USP50: variants seen among roughly 807,000 people sequenced by gnomAD.
USP50 encodes ubiquitin carboxyl-terminal hydrolase 50.
A neutral mutation model predicts 39.2 loss-of-function variants in USP50; 37 were observed. The observed-to-expected ratio is 0.94, with a 90% CI of 0.73 to 1.24. The LOEUF (loss-of-function observed/expected upper bound fraction) is 1.24. Ranked by LOEUF, USP50 falls within the 50% of genes most tolerant of loss-of-function variation. The pLI is 0.00. For missense variants in USP50, 374 were observed against 398.2 expected (o/e 0.94, Z 0.52); for synonymous variants, 139 against 144.5 (o/e 0.96, Z 0.27).
chr15:50,521,214 G>C (rs1191453168), intron 6 of USP50, among the ~76,000 whole-genome samples: 28 of 152,014 alleles, frequency 1.8e-4, no homozygotes, highest in Admixed American at 1.8e-3. Context: ...GCAAATTTTT[G>C]TATTTTTAGT....
intron 5 of USP50, among the ~76,000 whole-genome samples, chr15:50,530,397 T>C (rs1276535974): frequency 1.3e-5 from 2 of 151,642 alleles, no homozygotes; most frequent in Non-Finnish European, 2.9e-5. Context: ...GCTTGGCCAA[T>C]ATGGTGAAAC....
chr15:50,522,102 A>G (rs574859711), intron 6 of USP50, among the ~76,000 whole-genome samples: 1 of 152,126 alleles, frequency 6.6e-6, no homozygotes, highest in South Asian at 2.1e-4. Context: ...GGTACATACA[A>G]CCTACTAAGA....
intron 6 of USP50, chr15:50,505,077 A>C (rs931416140): frequency 6.6e-6 from 1 of 152,202 alleles, no homozygotes; most frequent in African/African-American, 2.4e-5. Flanking sequence ...GGCATGAAAA[A>C]TTGAATGAGA....
At chr15:50,524,678 A>T (rs536543175) in intron 6 of USP50, among the ~76,000 whole-genome samples, 2 of 152,366 alleles carry the variant, frequency 1.3e-5, no homozygotes, top group African/African-American at 4.8e-5. Context: ...AATGTAAATT[A>T]GTACTGTCAT....
intron 6 of USP50, among the ~76,000 whole-genome samples, chr15:50,527,652 T>C (rs1473048512): frequency 6.6e-6 from 1 of 151,812 alleles, no homozygotes; most frequent in Admixed American, 6.6e-5. Context: ...TTGTTTTTTT[T>C]TTTTTGAGAC....
intron 6 of USP50, chr15:50,505,000 ATAAAC>A (rs1212560981): frequency 1.3e-5 from 2 of 150,676 alleles, no homozygotes; most frequent in African/African-American, 2.4e-5. Flanking sequence ...AAAAAAAAGA[ATAAAC>A]TATAAAATGA....
chr15:50,493,784 A>C (rs2052268045), downstream of USP50: 1 of 530,396 alleles, frequency 1.9e-6, no homozygotes, highest in South Asian at 1.7e-5. Flanking sequence ...AGTAAAGGAC[A>C]GACAGGATGA....
At chr15:50,530,039 GCTCAT>G (rs2141371203) in intron 5 of USP50, 110 bp from the exon 6 acceptor site, 1 of 1,451,360 alleles carries the variant, frequency 6.9e-7, no homozygotes, top group Non-Finnish European at 9.4e-7. Flanking sequence ...GGGCACAGTG[GCTCAT>G]GCCTGTAATC....
At chr15:50,518,619 C>A (rs1240232750) in intron 6 of USP50, among the ~76,000 whole-genome samples, 1 of 146,546 alleles carries the variant, frequency 6.8e-6, no homozygotes, top group Admixed American at 7.2e-5. Flanking sequence ...AGAATAAAAC[C>A]AGACCCCCAT....
chr15:50,500,987 CCTGA>C, intron 6 of USP50, 150 bp from the exon 7 acceptor site: 1 of 641,408 alleles, frequency 1.6e-6, no homozygotes, highest in African/African-American at 1.8e-5. Flanking sequence ...ATGCATATAG[CCTGA>C]CTGCTATATT....
chr15:50,521,821 G>T (rs903603610), intron 6 of USP50, among the ~76,000 whole-genome samples: 4 of 152,008 alleles, frequency 2.6e-5, no homozygotes, highest in African/African-American at 9.7e-5. Flanking sequence ...AACACTAGCT[G>T]GGCATAGTGG....
intron 6 of USP50, chr15:50,512,609 G>A (rs1054883212): frequency 5.3e-5 from 8 of 152,070 alleles, no homozygotes; most frequent in African/African-American, 1.9e-4. Context: ...GGCCAACATG[G>A]TGAAACCACA....
At chr15:50,526,906 GTTGA>G (rs1246806761) in intron 6 of USP50, among the ~76,000 whole-genome samples, 1 of 152,218 alleles carries the variant, frequency 6.6e-6, no homozygotes. Context: ...GGATTAAATG[GTTGA>G]TTATTTGTAA....
chr15:50,520,196 C>T (rs528375075), intron 6 of USP50, among the ~76,000 whole-genome samples: 1 of 152,186 alleles, frequency 6.6e-6, no homozygotes, highest in East Asian at 1.9e-4. Flanking sequence ...GTAGTCCTAG[C>T]TACTCGGGAA....
intron 6 of USP50, chr15:50,512,476 C>G (rs1439665005): frequency 6.6e-6 from 1 of 151,886 alleles, no homozygotes; most frequent in African/African-American, 2.4e-5. Context: ...AACTGCACAA[C>G]TCTGTGAATG....
intron 6 of USP50, chr15:50,509,900 AAAT>A (rs1246297425): frequency 6.6e-6 from 1 of 152,140 alleles, no homozygotes; most frequent in Non-Finnish European, 1.5e-5. Flanking sequence ...GGAATAATCG[AAAT>A]ACTACTGAAA....
chr15:50,529,940 A>G lies in USP50; in HGVS notation c.804-11T>C, dbSNP rs1223858867. Reference sequence around the variant, plus strand: ...CCCTGAATGTCAAACCTGCAGGTATAATAAATGTGTGAAATACAAAGTAAG... The same window carrying G: ...CCCTGAATGTCAAACCTGCAGGTATGATAAATGTGTGAAATACAAAGTAAG... On this transcript the variant is annotated splice_polypyrimidine_tract_variant and intron_variant, in intron 5 of 6. Coordinates refer to ENST00000532404, the MANE Select transcript of USP50 (RefSeq NM_203494.5). 3 of 1,612,482 alleles carry G rather than the reference A, an allele frequency of 1.9e-6. No homozygotes were observed. The South Asian group carries it at 3.3e-5, about 18-fold the overall frequency.
downstream of USP50, chr15:50,493,674 G>T (rs1007571337): frequency 1.1e-5 from 4 of 371,396 alleles, no homozygotes; most frequent in Non-Finnish European, 2.1e-5. Context: ...GAGCCCAGAA[G>T]GTCAAGGCTG....
chr15:50,521,513 A>G (rs1354039561), intron 6 of USP50, among the ~76,000 whole-genome samples: 1 of 152,238 alleles, frequency 6.6e-6, no homozygotes, highest in African/African-American at 2.4e-5. Context: ...GAAGCCCAAA[A>G]TTAGCAGAAG....
Sources: allele counts gnomAD v4.1 joint callset (sites outside exome capture counted in the v4.1 genomes callset), GRCh38; gene constraint gnomAD v4.1.1; transcripts MANE v1.5; gene names NCBI Gene and HGNC (gene_info 2026-07-23, HGNC 2026-07-21).